The following KBTBD12 variants were observed in gnomAD, a reference collection of about 807,000 sequenced individuals.
KBTBD12 encodes kelch repeat and BTB domain containing 12.
KBTBD12 carries 53 observed loss-of-function variants against 58.7 expected under a neutral mutation model. The observed-to-expected ratio is 0.90, with a 90% CI of 0.72 to 1.14. The LOEUF (loss-of-function observed/expected upper bound fraction) is 1.14. Among genes scored for constraint, KBTBD12 ranks in the 50% most tolerant of loss-of-function variants. KBTBD12 has a pLI of 0.00. For synonymous variants in KBTBD12, 236 were observed against 259.8 expected (o/e 0.91, Z 0.88); for missense variants, 704 against 751.3 (o/e 0.94, Z 0.74).
At chr3:127,926,180 T>C (rs879354975) in intron 2 of KBTBD12, among the ~76,000 whole-genome samples, 1 of 152,166 alleles carries the variant, frequency 6.6e-6, no homozygotes, top group African/African-American at 2.4e-5. Context: ...TTTATCTGGG[T>C]ATTTTCTCTC....
At chr3:127,955,649 G>C (rs1413236193) in intron 4 of KBTBD12, among the ~76,000 whole-genome samples, 2 of 152,110 alleles carry the variant, frequency 1.3e-5, no homozygotes, top group African/African-American at 4.8e-5. Context: ...AGGAAATATA[G>C]AGGCAATTCT....
At chr3:127,931,249 G>T (rs1403785072) in intron 4 of KBTBD12, among the ~76,000 whole-genome samples, 1 of 152,008 alleles carries the variant, frequency 6.6e-6, no homozygotes, top group African/African-American at 2.4e-5. Context: ...TCTCTTAGCT[G>T]TTTGCACAGC....
chr3:127,935,729 A>G (rs1939816092), intron 4 of KBTBD12, among the ~76,000 whole-genome samples: 1 of 152,170 alleles, frequency 6.6e-6, no homozygotes, highest in African/African-American at 2.4e-5. Context: ...GCCAGTCATT[A>G]TCAAAAATTA....
intron 5 of KBTBD12, among the ~76,000 whole-genome samples, chr3:127,976,004 G>A (rs1221648251): frequency 6.6e-6 from 1 of 152,286 alleles, no homozygotes; most frequent in East Asian, 1.9e-4. Context: ...TTCACCTATT[G>A]CTAATATTTT....
chr3:127,942,145 G>A (rs1189763618), intron 4 of KBTBD12, among the ~76,000 whole-genome samples: 1 of 152,102 alleles, frequency 6.6e-6, no homozygotes, highest in Non-Finnish European at 1.5e-5. Flanking sequence ...AGTGTAGTCA[G>A]CAAATACAAA....
intron 2 of KBTBD12, among the ~76,000 whole-genome samples, chr3:127,924,371 A>G (rs1472432361): frequency 2.7e-5 from 4 of 148,426 alleles, no homozygotes; most frequent in Non-Finnish European, 5.9e-5. Flanking sequence ...ATATAAATAT[A>G]TAATGTATAT....
chr3:127,959,409 C>T (rs1268327977), intron 4 of KBTBD12, among the ~76,000 whole-genome samples: 8 of 152,206 alleles, frequency 5.3e-5, no homozygotes, highest in African/African-American at 1.9e-4. Context: ...CATTCCTCAG[C>T]CCTTTGGCCT....
chr3:127,935,117 A>G (rs1411727207), intron 4 of KBTBD12, among the ~76,000 whole-genome samples: 3 of 152,210 alleles, frequency 2.0e-5, no homozygotes. Context: ...ATGTTCCAAT[A>G]AAAACCCATC....
chr3:127,977,009 G>A (rs756559396), intron 5 of KBTBD12, among the ~76,000 whole-genome samples: 3 of 152,074 alleles, frequency 2.0e-5, no homozygotes, highest in African/African-American at 7.2e-5. Flanking sequence ...CCACCCTTAA[G>A]TAGGCCCCAG....
intron 1 of KBTBD12, among the ~76,000 whole-genome samples, chr3:127,922,210 C>T (rs1191244357): frequency 6.6e-6 from 1 of 152,222 alleles, no homozygotes; most frequent in East Asian, 1.9e-4. Flanking sequence ...GATTCAGTCT[C>T]TGCCACTATG....
chr3:127,931,417 A>G (rs975625747), intron 4 of KBTBD12, among the ~76,000 whole-genome samples: 1 of 152,132 alleles, frequency 6.6e-6, no homozygotes, highest in African/African-American at 2.4e-5. Context: ...TGTTATAACC[A>G]TATACTATGT....
chr3:127,962,438 C>G (rs555652130), intron 4 of KBTBD12, among the ~76,000 whole-genome samples: 1 of 152,324 alleles, frequency 6.6e-6, no homozygotes, highest in Admixed American at 6.5e-5. Context: ...ACTTCTAAAT[C>G]TCACTTTTAT....
chr3:127,923,613 T>C lies in KBTBD12; in HGVS notation c.552T>C (p.Asp184=), dbSNP rs755208490. The change falls in exon 2 of 6, where the codon GAT becomes GAC. Residue 184 remains aspartate (D), a synonymous_variant. Coordinates refer to ENST00000405109, the MANE Select transcript of KBTBD12 (RefSeq NM_207335.4). ...AATTTTTGACACTTATTAAATCAGA[T>C]GATCTTAACATATCCAGAGAAGAGA... is the stretch of plus-strand genomic sequence containing the variant. The part of the protein sequence containing the change: ...VHQFLTLIKS[D]DLNISREESI... 1.2e-5 allele frequency: 19 copies of C among 1,613,604 alleles called. No individual in the cohort carries two copies. Among genetic ancestry groups the C allele is most frequent in the Admixed American group, 1.7e-5 (1 of 59,912 alleles).
chr3:127,934,488 C>A (rs1939780709), intron 4 of KBTBD12, among the ~76,000 whole-genome samples: 1 of 151,912 alleles, frequency 6.6e-6, no homozygotes, highest in East Asian at 1.9e-4. Flanking sequence ...ATGGGAATCC[C>A]AAAAGGAAAT....
intron 4 of KBTBD12, among the ~76,000 whole-genome samples, chr3:127,956,238 C>T (rs977436404): frequency 2.6e-5 from 4 of 152,126 alleles, no homozygotes; most frequent in Non-Finnish European, 1.5e-5. Context: ...AATAAGTACT[C>T]TAAAAGACCA....
rs546909238 is a variant in KBTBD12 at position 127,953,749 on chromosome 3, A to G, written c.1493-9440A>G. Among the ~76,000 whole-genome samples the G allele has an allele frequency of 3.3e-5, 5 of 152,356 alleles. No individual in the cohort carries two copies. The East Asian group carries it at 9.6e-4, about 29-fold the overall frequency. On this transcript the variant is annotated intron_variant, in intron 4 of 5. Coordinates refer to ENST00000405109, the MANE Select transcript of KBTBD12 (RefSeq NM_207335.4). ...ATATACTGGATAGTTTTTCCTGGAA[A>G]TCTATAAATTGCCTTCTTAACATAA...
At chr3:127,955,136 T>C (rs1287615029) in intron 4 of KBTBD12, among the ~76,000 whole-genome samples, 1 of 152,248 alleles carries the variant, frequency 6.6e-6, no homozygotes, top group Non-Finnish European at 1.5e-5. Context: ...TTCTATCATG[T>C]AAAATGCCAC....
At chr3:127,936,223 G>A (rs760942795) in intron 4 of KBTBD12, among the ~76,000 whole-genome samples, 6 of 152,020 alleles carry the variant, frequency 3.9e-5, no homozygotes, top group African/African-American at 9.7e-5. Flanking sequence ...AAAGTTAGCC[G>A]GGTATGGTGG....
chr3:127,979,096 G>C (rs577033673), intron 5 of KBTBD12, among the ~76,000 whole-genome samples: 2 of 152,150 alleles, frequency 1.3e-5, no homozygotes, highest in East Asian at 3.8e-4. Context: ...GTCAGTTTTT[G>C]ATTTTCTGCT....
Sources: allele counts gnomAD v4.1 joint callset (sites outside exome capture counted in the v4.1 genomes callset), GRCh38; gene constraint gnomAD v4.1.1; transcripts MANE v1.5; gene names NCBI Gene and HGNC (gene_info 2026-07-23, HGNC 2026-07-21).